Variants in SEMA3A observed in about 807,000 individuals in gnomAD.
SEMA3A encodes semaphorin 3A.
A neutral mutation model predicts 97.9 loss-of-function variants in SEMA3A; 29 were observed. The ratio of observed to expected loss-of-function variants is 0.30; its 90% CI spans 0.22 to 0.40. The LOEUF is 0.40. Among genes scored for constraint, SEMA3A ranks in the 10% least tolerant of loss-of-function variants. SEMA3A has a pLI of 1.00. For synonymous variants in SEMA3A, 321 were observed against 323.7 expected, an observed-to-expected ratio of 0.99 and a Z score of 0.09; for missense variants, 763 against 951.3, an observed-to-expected ratio of 0.80 and a Z score of 2.60.
intron 3 of SEMA3A, among the ~76,000 whole-genome samples, chr7:84,238,806 C>T (rs1372785578): frequency 1.3e-5 from 2 of 152,030 alleles, no homozygotes; most frequent in Non-Finnish European, 2.9e-5. Flanking sequence ...CCTCCACTTC[C>T]CTAGTTCAAG....
At chr7:84,106,841 G>GA (rs1795123130) in intron 4 of SEMA3A, among the ~76,000 whole-genome samples, 2 of 152,050 alleles carry the variant, frequency 1.3e-5, no homozygotes, top group Admixed American at 1.3e-4. Flanking sequence ...ACACTGCAAA[G>GA]AAAAAACTGC....
chr7:84,372,025 A>G (rs955747978), intron 1 of SEMA3A: 17 of 152,080 alleles, frequency 1.1e-4, no homozygotes, highest in Admixed American at 1.1e-3. Flanking sequence ...AGACTCTTCC[A>G]TGACACCTTG....
At chr7:84,420,867 G>T (rs1173606110) in intron 1 of SEMA3A, among the ~76,000 whole-genome samples, 2 of 151,778 alleles carry the variant, frequency 1.3e-5, no homozygotes, top group Admixed American at 6.6e-5. Context: ...GTGCCTATTT[G>T]ATTCTTTTCT....
intron 2 of SEMA3A, among the ~76,000 whole-genome samples, chr7:84,368,189 T>A (rs1802896749): frequency 6.6e-6 from 1 of 151,414 alleles, no homozygotes; most frequent in East Asian, 1.9e-4. Context: ...TTTACAACTT[T>A]AAAAATGGTC....
chr7:84,464,007 C>T (rs2116394556), intron 1 of SEMA3A, among the ~76,000 whole-genome samples: 1 of 152,242 alleles, frequency 6.6e-6, no homozygotes, highest in East Asian at 1.9e-4. Context: ...CTGGGCATGG[C>T]TGATGATCTA....
At chr7:84,322,516 G>A (rs781157650) in intron 2 of SEMA3A, among the ~76,000 whole-genome samples, 11 of 151,998 alleles carry the variant, frequency 7.2e-5, no homozygotes, top group Non-Finnish European at 1.0e-4. Context: ...TCTGGTAGTA[G>A]TGAATAAGTT....
At position 84,376,329 on chromosome 7, in the gene SEMA3A, G is replaced by A. The variant is rs888538410; in HGVS notation, c.-245-4429C>T. On this transcript the variant is annotated intron_variant, in intron 1 of 3. Coordinates refer to the SEMA3A transcript ENST00000424555. ...AGTGTATAAGAAGTGTTGGCCGGGC[G>A]CGGTGGCTCACGCCTGTAATCCCAG... 7.8e-5 allele frequency among the ~76,000 whole-genome samples: 9 copies of A among 115,332 alleles called. 1 individual carries two copies. Among genetic ancestry groups the A allele is most frequent in the Admixed American group, 4.7e-4 (5 of 10,602 alleles). The allele number at this position is 115,332 out of a possible 152,430, so 75.7% of individuals were successfully genotyped here.
intron 2 of SEMA3A, among the ~76,000 whole-genome samples, chr7:84,354,239 T>TA (rs1802503304): frequency 6.6e-6 from 1 of 151,700 alleles, no homozygotes; most frequent in South Asian, 2.1e-4. Flanking sequence ...CTGCTTGATC[T>TA]ACACAGTTAA....
intron 1 of SEMA3A, among the ~76,000 whole-genome samples, chr7:84,137,221 A>G (rs1796159226): frequency 7.2e-5 from 11 of 151,992 alleles, no homozygotes; most frequent in Admixed American, 7.2e-4. Flanking sequence ...CAACATGGTG[A>G]AACCCTGTCT....
rs1403733591 is a variant in SEMA3A, at chr7:84,069,872, G to C, written c.454-9314C>G. Among the ~76,000 whole-genome samples the C allele has an allele frequency of 3.3e-5, 5 of 152,222 alleles. No homozygotes were observed. The East Asian group carries it at 9.6e-4, about 29-fold the overall frequency. ...GAGCAAGACCTTAATTTAGATGTGT[G>C]AAGGTATTGAATTATCATGAACGAA... On this transcript the variant is annotated intron_variant, in intron 4 of 16. Coordinates refer to ENST00000265362, the MANE Select transcript of SEMA3A (RefSeq NM_006080.3).
chr7:84,343,548 T>A (rs554706266), intron 2 of SEMA3A, among the ~76,000 whole-genome samples: 1 of 152,314 alleles, frequency 6.6e-6, no homozygotes, highest in Admixed American at 6.5e-5. Flanking sequence ...GAATCCTACT[T>A]CAAATTCTGC....
intron 6 of SEMA3A, among the ~76,000 whole-genome samples, chr7:84,033,393 G>A (rs181495234): frequency 6.6e-6 from 1 of 152,310 alleles, no homozygotes; most frequent in Non-Finnish European, 1.5e-5. Context: ...GGTTCGAGCA[G>A]TGTTAGATGG....
intron 12 of SEMA3A, among the ~76,000 whole-genome samples, chr7:83,989,739 C>A (rs58338762): frequency 6.9e-6 from 1 of 144,596 alleles, no homozygotes; most frequent in Non-Finnish European, 1.5e-5. Context: ...TGGGTTGGTT[C>A]CAAGTCTTTG....
chr7:84,102,701 C>T (rs1794995269), intron 4 of SEMA3A, among the ~76,000 whole-genome samples: 1 of 150,898 alleles, frequency 6.6e-6, no homozygotes, highest in African/African-American at 2.4e-5. Flanking sequence ...CTGCCTCAGC[C>T]ACCAGAGTAG....
chr7:84,322,388 T>C (rs1425307459), intron 2 of SEMA3A, among the ~76,000 whole-genome samples: 1 of 152,198 alleles, frequency 6.6e-6, no homozygotes, highest in African/African-American at 2.4e-5. Context: ...TAATTATGGA[T>C]ATGGCTTGGC....
intron 4 of SEMA3A, among the ~76,000 whole-genome samples, chr7:84,065,888 G>A (rs1170809097): frequency 1.3e-5 from 2 of 151,598 alleles, no homozygotes; most frequent in Non-Finnish European, 2.9e-5. Flanking sequence ...CCAATCAATA[G>A]AAAAAGAGGG....
intron 3 of SEMA3A, among the ~76,000 whole-genome samples, chr7:84,291,752 C>T (rs1382999795): frequency 6.6e-6 from 1 of 152,136 alleles, no homozygotes; most frequent in East Asian, 1.9e-4. Flanking sequence ...TGACATCTGA[C>T]ACTGGCCATT....
At chr7:84,352,948 A>G (rs989791834) in intron 2 of SEMA3A, among the ~76,000 whole-genome samples, 8 of 151,796 alleles carry the variant, frequency 5.3e-5, no homozygotes, top group Non-Finnish European at 1.0e-4. Flanking sequence ...AAATTAATCT[A>G]TACTAACTAT....
At chr7:84,203,809 G>A (rs910486168) in intron 3 of SEMA3A, among the ~76,000 whole-genome samples, 1 of 151,826 alleles carries the variant, frequency 6.6e-6, no homozygotes, top group East Asian at 1.9e-4. Flanking sequence ...GGGATTACAG[G>A]AGTGAGCCAC....
Sources: gnomAD v4.1 joint callset for allele counts (sites outside exome capture counted in the v4.1 genomes callset) on GRCh38, gnomAD v4.1.1 for gene constraint, MANE v1.5 for transcripts, NCBI Gene and HGNC (gene_info 2026-07-23, HGNC 2026-07-21) for gene names.